Variants in RFWD3 observed in about 807,000 individuals in gnomAD.
The protein encoded by RFWD3 is E3 ubiquitin-protein ligase RFWD3.
Under a neutral mutation model 87.7 loss-of-function variants are expected in RFWD3, and 65 were observed. That is an observed-to-expected ratio of 0.74 (90% CI 0.61 to 0.91). The LOEUF (loss-of-function observed/expected upper bound fraction) is 0.91, where lower values mean the gene tolerates loss of function less well. Ranked by LOEUF, RFWD3 falls within the 40% of genes least tolerant of loss-of-function variation. The pLI is 0.00. For synonymous variants in RFWD3, 433 were observed against 352.8 expected, an observed-to-expected ratio of 1.23 and a Z score of -2.55; for missense variants, 1,078 against 938.5, an observed-to-expected ratio of 1.15 and a Z score of -1.94.
At chr16:74,644,982 G>C (rs765496716) in intron 4 of RFWD3, among the ~76,000 whole-genome samples, 34 of 152,016 alleles carry the variant, frequency 2.2e-4, no homozygotes, top group Non-Finnish European at 3.7e-4. Context: ...TTCACTCAAA[G>C]GAAGAAAAGC....
intron 12 of RFWD3, among the ~76,000 whole-genome samples, chr16:74,624,763 A>C (rs780439660): frequency 2.9e-4 from 44 of 152,184 alleles, no homozygotes; most frequent in Non-Finnish European, 5.1e-4. Flanking sequence ...TGGGAGTCTG[A>C]GATGGGAGGA....
chr16:74,644,847 G>A, intron 4 of RFWD3, 112 bp from the exon 5 acceptor site: 1 of 951,240 alleles, frequency 1.1e-6, no homozygotes, highest in African/African-American at 1.6e-5. Context: ...CAATCAAAAG[G>A]GCTACAGAAC....
At chr16:74,660,897 G>C (rs752328930) in intron 2 of RFWD3, 35 bp downstream of exon 2, 1 of 1,575,150 alleles carries the variant, frequency 6.3e-7, no homozygotes, top group Non-Finnish European at 8.6e-7. Context: ...TTCTAGTACA[G>C]CAATGATCAC....
At position 74,628,483 on chromosome 16, in the gene RFWD3, G is replaced by C; in HGVS notation, c.1938C>G (p.Ser646Arg). The C allele has an allele frequency of 1.2e-6, 2 of 1,614,162 alleles. No individual in the cohort carries two copies. Among genetic ancestry groups the C allele is most frequent in the Non-Finnish European group, 1.7e-6 (2 of 1,180,034 alleles). Reference protein sequence around the residue: ...GGCIDFQTENSSRHCLVTYRP... With the variant: ...GGCIDFQTENRSRHCLVTYRP... Reference sequence around the variant, plus strand: ...TGTAGGTCACAAGACAGTGCCGGGAGCTGTTCTCTGTCTGAAAGTCTATGC... The same window carrying C: ...TGTAGGTCACAAGACAGTGCCGGGACCTGTTCTCTGTCTGAAAGTCTATGC... The change falls in exon 11 of 13, where the codon AGC becomes AGG. Residue 646 changes from serine to arginine, a missense_variant. By Grantham distance (110) the Ser-to-Arg change is moderately radical. Coordinates refer to ENST00000361070, the MANE Select transcript of RFWD3 (RefSeq NM_018124.4).
At chr16:74,634,938 T>TG (rs1468336275) in intron 8 of RFWD3, among the ~76,000 whole-genome samples, 3 of 151,928 alleles carry the variant, frequency 2.0e-5, no homozygotes, top group African/African-American at 7.3e-5. Flanking sequence ...GGTCAGGAGT[T>TG]GGAGACCAGC....
chr16:74,625,898 C>T (rs2144017198), intron 12 of RFWD3, among the ~76,000 whole-genome samples: 1 of 152,108 alleles, frequency 6.6e-6, no homozygotes. Context: ...GGTTCAAGAA[C>T]ATCTCAGCTG....
At chr16:74,665,831 C>T (rs1396680389) in intron 1 of RFWD3, among the ~76,000 whole-genome samples, 3 of 151,846 alleles carry the variant, frequency 2.0e-5, no homozygotes, top group African/African-American at 7.3e-5. Context: ...ACTGCAACCT[C>T]GGCCTCCCGG....
At chr16:74,665,486 G>A (rs1016244804) in intron 1 of RFWD3, among the ~76,000 whole-genome samples, 2 of 152,084 alleles carry the variant, frequency 1.3e-5, no homozygotes, top group Non-Finnish European at 2.9e-5. Context: ...GCTGAGGCAG[G>A]AGAATCGCTT....
rs572965308 is a variant in RFWD3 at position 74,659,467 on chromosome 16, C to T, written c.518+1465G>A. Reference sequence around the variant, plus strand: ...GACTATAGCCAAGCCTGCTGGTGCACGCCTGCAATCCCAGCTACTTAGGAG... The same window carrying T: ...GACTATAGCCAAGCCTGCTGGTGCATGCCTGCAATCCCAGCTACTTAGGAG... On this transcript the variant is annotated intron_variant, in intron 2 of 12. Transcript: ENST00000361070. Among the ~76,000 whole-genome samples the T allele has an allele frequency of 4.6e-5, 7 of 152,224 alleles. No homozygotes were observed. The South Asian group carries it at 6.2e-4, about 14-fold the overall frequency.
At chr16:74,660,510 T>C (rs1961342100) in intron 2 of RFWD3, 1 of 168,790 alleles carries the variant, frequency 5.9e-6, no homozygotes, top group African/African-American at 2.4e-5. Context: ...TTATTCTTCA[T>C]AATAACCCTG....
intron 1 of RFWD3, chr16:74,664,517 G>C (rs1356129271): frequency 6.6e-6 from 1 of 152,158 alleles, no homozygotes; most frequent in African/African-American, 2.4e-5. Context: ...TTGGGAGACT[G>C]AGGCAGGTAG....
chr16:74,634,822 GA>G (rs1053094571), intron 8 of RFWD3, among the ~76,000 whole-genome samples: 9 of 151,658 alleles, frequency 5.9e-5, no homozygotes, highest in East Asian at 1.9e-4. Flanking sequence ...AAAAAGGGGG[GA>G]AGGGGGGCGC....
intron 1 of RFWD3, among the ~76,000 whole-genome samples, chr16:74,664,136 T>C (rs935731641): frequency 7.9e-5 from 12 of 152,192 alleles, no homozygotes; most frequent in Admixed American, 7.2e-4. Flanking sequence ...ATTTTTTGTA[T>C]AGATGGGGTT....
intron 12 of RFWD3, among the ~76,000 whole-genome samples, chr16:74,624,663 C>G (rs547009689): frequency 6.6e-6 from 1 of 152,192 alleles, no homozygotes; most frequent in African/African-American, 2.4e-5. Context: ...TCCCAAAGTG[C>G]TGGGATTACA....
At chr16:74,624,580 T>C (rs1958867620) in intron 12 of RFWD3, among the ~76,000 whole-genome samples, 1 of 152,286 alleles carries the variant, frequency 6.6e-6, no homozygotes, top group South Asian at 2.1e-4. Flanking sequence ...GTATTTTTGG[T>C]AGAGATGGGT....
In RFWD3 at chr16:74,621,557, A is replaced by G. The variant is rs1211027144; in HGVS notation, c.*2371T>C. 1.3e-5 allele frequency: 2 copies of G among 152,162 alleles called. No individual in the cohort carries two copies. Among genetic ancestry groups the G allele is most frequent in the African/African-American group, 2.4e-5 (1 of 41,432 alleles). 9.4% of individuals were successfully genotyped at this position (152,162 alleles called of 1,614,324 possible). On this transcript the variant is annotated 3_prime_UTR_variant, in exon 13 of 13. Transcript: ENST00000361070. The stretch of plus-strand genomic sequence containing the variant: ...GAGTTCGTTTAACTCCAAATCCTCA[A>G]GTGGGGAAAAAAACTTAGAGGTAGT...
chr16:74,637,138 A>AAC (rs1416885856), intron 7 of RFWD3, among the ~76,000 whole-genome samples: 6 of 150,812 alleles, frequency 4.0e-5, no homozygotes, highest in Admixed American at 2.6e-4. Context: ...AAAAAAAAAA[A>AAC]AAAAAAACAA....
In RFWD3 at chr16:74,626,461, T is replaced by G; in HGVS notation, c.2063A>C (p.His688Pro). The G allele has an allele frequency of 6.2e-7, 1 of 1,614,160 alleles. No homozygotes were observed. The highest frequency in any genetic ancestry group is 1.1e-5 in the South Asian group (1 of 91,080). Residue 688 changes from histidine to proline, a missense_variant, in exon 12 of 13, where the codon CAT (histidine) becomes CCT (proline). By Grantham distance (77) the His-to-Pro change is moderately conservative. Coordinates refer to ENST00000361070, the MANE Select transcript of RFWD3 (RefSeq NM_018124.4). ...GCAAGTAGGTCCTCCAAAAAATGTA[T>G]GTACAGGCTGGCAGGAGCAGATTGG... The part of the protein sequence containing the change: ...GNPICSCQPV[H>P]TFFGGPTCKL...
chr16:74,665,944 T>G (rs992547383), intron 1 of RFWD3, among the ~76,000 whole-genome samples: 2 of 152,034 alleles, frequency 1.3e-5, no homozygotes, highest in Non-Finnish European at 2.9e-5. Context: ...GTGATCCGAC[T>G]GCCTCGGCCT....
Sources: allele counts gnomAD v4.1 joint callset (sites outside exome capture counted in the v4.1 genomes callset), GRCh38; gene constraint gnomAD v4.1.1; transcripts MANE v1.5; gene names NCBI Gene and HGNC (gene_info 2026-07-23, HGNC 2026-07-21).